Variants in DAPL1 observed in about 807,000 individuals in gnomAD.
DAPL1 encodes death associated protein like 1, also known as death-associated protein-like 1.
A neutral mutation model predicts 12.9 loss-of-function variants in DAPL1; 17 were observed. The observed-to-expected ratio is 1.32, with a 90% CI of 0.90 to 1.98. The LOEUF is 1.98. Among genes scored for constraint, DAPL1 ranks in the 30% most tolerant of loss-of-function variants. The pLI is 0.00. For synonymous variants in DAPL1, 51 were observed against 42.0 expected (o/e 1.21, Z -0.82); for missense variants, 157 against 125.7 (o/e 1.25, Z -1.19).
chr2:158,797,467 A>G (rs1467120006), intron 1 of DAPL1, among the ~76,000 whole-genome samples: 1 of 152,130 alleles, frequency 6.6e-6, no homozygotes, highest in East Asian at 1.9e-4. Flanking sequence ...TGCAATGGAA[A>G]AAATATGTGC....
chr2:158,804,442 A>G, intron 2 of DAPL1, 73 bp downstream of exon 2: 1 of 1,150,156 alleles, frequency 8.7e-7, no homozygotes, highest in Non-Finnish European at 1.2e-6. Context: ...TTATTTTAGG[A>G]CAAACCAAGG....
At chr2:158,796,806 C>T (rs907944753) in intron 1 of DAPL1, among the ~76,000 whole-genome samples, 2 of 152,150 alleles carry the variant, frequency 1.3e-5, no homozygotes, top group African/African-American at 4.8e-5. Context: ...TTGCTAATTA[C>T]TCTGTGTACA....
At chr2:158,797,215 C>T (rs1052603132) in intron 1 of DAPL1, among the ~76,000 whole-genome samples, 4 of 152,146 alleles carry the variant, frequency 2.6e-5, no homozygotes, top group African/African-American at 4.8e-5. Context: ...TTCACATCTT[C>T]GAGCCTGAGT....
At chr2:158,799,367 G>T (rs764013886) in intron 1 of DAPL1, among the ~76,000 whole-genome samples, 4 of 152,008 alleles carry the variant, frequency 2.6e-5, no homozygotes, top group East Asian at 3.9e-4. Context: ...ATGGAGTTAC[G>T]TAAAGGATTA....
Position 158,815,891 on chromosome 2 carries a change from AG to A in DAPL1, c.*71del, listed in dbSNP as rs2105159281. 5 of 1,062,198 alleles carry A rather than the reference AG, an allele frequency of 4.7e-6. No homozygotes were observed. In the South Asian group the frequency reaches 6.3e-5, roughly 13 times the overall value. The allele number at this position is 1,062,198 out of a possible 1,614,324, so 65.8% of individuals were successfully genotyped here. On this transcript the variant is annotated 3_prime_UTR_variant, in exon 4 of 4. Coordinates refer to ENST00000309950, the MANE Select transcript of DAPL1 (RefSeq NM_001017920.3). ...CTGACAGCTTAGCAAAAAGGGCCAA[AG>A]CTTTCCATAGGCGTGCTGCACTTGC...
chr2:158,814,021 C>A (rs1421497128), intron 3 of DAPL1, among the ~76,000 whole-genome samples: 1 of 152,122 alleles, frequency 6.6e-6, no homozygotes. Flanking sequence ...TGTTTGTTTG[C>A]CTTCTCACCC....
At chr2:158,799,169 C>G (rs1158235148) in intron 1 of DAPL1, among the ~76,000 whole-genome samples, 2 of 152,216 alleles carry the variant, frequency 1.3e-5, no homozygotes, top group African/African-American at 4.8e-5. Context: ...GTGAAATTAT[C>G]TAAAAGAGCA....
intron 1 of DAPL1, among the ~76,000 whole-genome samples, chr2:158,802,393 G>C (rs1417074388): frequency 6.6e-6 from 1 of 152,190 alleles, no homozygotes; most frequent in African/African-American, 2.4e-5. Context: ...CACATTCCTT[G>C]CTAGTCACAA....
At chr2:158,800,018 C>T (rs949364830) in intron 1 of DAPL1, among the ~76,000 whole-genome samples, 19 of 149,146 alleles carry the variant, frequency 1.3e-4, no homozygotes, top group African/African-American at 4.2e-4. Context: ...GAGCCGAGAT[C>T]GCTCCATGGC....
intron 2 of DAPL1, 56 bp downstream of exon 2, chr2:158,804,425 C>T: frequency 7.6e-7 from 1 of 1,311,630 alleles, no homozygotes; most frequent in Non-Finnish European, 1.1e-6. Flanking sequence ...GACTCTGCCT[C>T]CAGGAGTTAT....
chr2:158,804,130 A>G lies in DAPL1; in HGVS notation c.59-152A>G, dbSNP rs1397643517. ...CACACCTGGTTTGCCAATAAAATAT[A>G]TATATTTTTTATTGTGTTGTTTTAT... On this transcript the variant is annotated intron_variant, in intron 1 of 3. Transcript: ENST00000309950. The G allele has an allele frequency of 1.8e-5, 8 of 444,946 alleles. No homozygotes were observed. In the South Asian group the frequency reaches 2.2e-4, roughly 12 times the overall value. 27.6% of individuals were successfully genotyped at this position (444,946 alleles called of 1,614,324 possible).
At chr2:158,812,462 GA>G (rs2105156910) in intron 3 of DAPL1, among the ~76,000 whole-genome samples, 1 of 152,244 alleles carries the variant, frequency 6.6e-6, no homozygotes, top group South Asian at 2.1e-4. Flanking sequence ...AGCTGCTGTG[GA>G]AAACAATACA....
intron 1 of DAPL1, among the ~76,000 whole-genome samples, chr2:158,803,550 T>C (rs2059180898): frequency 1.3e-5 from 2 of 152,386 alleles, no homozygotes; most frequent in Non-Finnish European, 2.9e-5. Context: ...TGCTTTGACT[T>C]GCTATCTTGA....
intron 3 of DAPL1, among the ~76,000 whole-genome samples, chr2:158,809,261 G>A (rs2059217651): frequency 6.9e-6 from 1 of 145,022 alleles, no homozygotes; most frequent in African/African-American, 2.6e-5. Flanking sequence ...AGGAGGCTGA[G>A]GCAGGAGAAT....
chr2:158,812,374 T>C (rs1320733133), intron 3 of DAPL1, among the ~76,000 whole-genome samples: 1 of 152,242 alleles, frequency 6.6e-6, no homozygotes, highest in Non-Finnish European at 1.5e-5. Context: ...GCAGTGCTTT[T>C]AGAACTTCGG....
Position 158,804,440 on chromosome 2 carries a change from G to C in DAPL1, c.146+71G>C, listed in dbSNP as rs2059188359. 3 of 1,183,904 alleles carry C rather than the reference G, an allele frequency of 2.5e-6. No homozygotes were observed. The South Asian group carries it at 4.3e-5, about 17-fold the overall frequency. The allele number at this position is 1,183,904 out of a possible 1,614,324, so 73.3% of individuals were successfully genotyped here. A position where few individuals can be genotyped will look rare whatever the true frequency, so the allele number is the denominator to read the frequency against. On this transcript the variant is annotated intron_variant, in intron 2 of 3. Coordinates refer to ENST00000309950, the MANE Select transcript of DAPL1 (RefSeq NM_001017920.3). ...GACTCTGCCTCCAGGAGTTATTTTA[G>C]GACAAACCAAGGCTCCCTATGCCTT...
intron 3 of DAPL1, among the ~76,000 whole-genome samples, chr2:158,813,507 C>A (rs947995563): frequency 2.0e-5 from 3 of 151,854 alleles, no homozygotes; most frequent in Admixed American, 1.3e-4. Context: ...CCCAACTAAG[C>A]AGCAAATATC....
At chr2:158,795,782 G>A (rs1018579872) in intron 1 of DAPL1, among the ~76,000 whole-genome samples, 18 of 152,176 alleles carry the variant, frequency 1.2e-4, no homozygotes, top group African/African-American at 4.3e-4. Flanking sequence ...ACACCAGGAA[G>A]ATGATTTGCT....
At chr2:158,799,347 A>G (rs762934969) in intron 1 of DAPL1, among the ~76,000 whole-genome samples, 1 of 152,216 alleles carries the variant, frequency 6.6e-6, no homozygotes, top group Non-Finnish European at 1.5e-5. Context: ...AAAGCAGGAT[A>G]GTCCCAAACA....
Sources: gnomAD v4.1 joint callset for allele counts (sites outside exome capture counted in the v4.1 genomes callset) on GRCh38, gnomAD v4.1.1 for gene constraint, MANE v1.5 for transcripts, NCBI Gene and HGNC (gene_info 2026-07-23, HGNC 2026-07-21) for gene names.